DGLUCY: variants seen among roughly 807,000 people sequenced by gnomAD.
The protein encoded by DGLUCY is D-glutamate cyclase, mitochondrial.
DGLUCY carries 58 observed loss-of-function variants against 58.5 expected under a neutral mutation model. The observed-to-expected ratio is 0.99, with a 90% confidence interval of 0.80 to 1.23. The LOEUF is 1.23. Ranked by LOEUF, DGLUCY falls within the 50% of genes most tolerant of loss-of-function variation. The pLI is 0.00. For missense variants in DGLUCY, 779 were observed against 784.7 expected (o/e 0.99, Z 0.09); for synonymous variants, 325 against 314.1 (o/e 1.03, Z -0.37).
At chr14:91,067,328 G>A (rs1477495453) in intron 1 of DGLUCY, among the ~76,000 whole-genome samples, 1 of 152,040 alleles carries the variant, frequency 6.6e-6, no homozygotes, top group East Asian at 1.9e-4. Flanking sequence ...CAAGGGGGGA[G>A]AGGGCCTCAC....
chr14:91,078,082 A>G (rs2044060122), intron 1 of DGLUCY, among the ~76,000 whole-genome samples: 2 of 151,994 alleles, frequency 1.3e-5, no homozygotes, highest in African/African-American at 2.4e-5. Flanking sequence ...AGGCTGGAGT[A>G]CAGGGACTCA....
chr14:91,181,887 C>T (rs1258939492), intron 8 of DGLUCY, among the ~76,000 whole-genome samples: 2 of 150,700 alleles, frequency 1.3e-5, no homozygotes, highest in South Asian at 2.1e-4. Flanking sequence ...CCTCATGATC[C>T]GCCCACCTTG....
At chr14:91,208,587 A>G (rs901896481) in intron 12 of DGLUCY, among the ~76,000 whole-genome samples, 1 of 152,132 alleles carries the variant, frequency 6.6e-6, no homozygotes, top group Admixed American at 6.5e-5. Context: ...CATCTCTACA[A>G]AAAATAGAAG....
chr14:91,126,805 A>G (rs538752405), intron 1 of DGLUCY, among the ~76,000 whole-genome samples: 23 of 152,286 alleles, frequency 1.5e-4, no homozygotes, highest in African/African-American at 5.5e-4. Flanking sequence ...TTTTCCAAAT[A>G]AAGTCATATT....
At chr14:91,128,700 G>A (rs1193904527) in intron 1 of DGLUCY, 1 of 151,680 alleles carries the variant, frequency 6.6e-6, no homozygotes, top group Non-Finnish European at 1.5e-5. Flanking sequence ...TGGGATTTCA[G>A]GCTGATTTTC....
upstream of DGLUCY, among the ~76,000 whole-genome samples, chr14:91,113,196 A>G (rs998249643): frequency 6.6e-6 from 1 of 152,072 alleles, no homozygotes; most frequent in Non-Finnish European, 1.5e-5. Flanking sequence ...GCTACTGGGG[A>G]GGCTGAGGCA....
At chr14:91,092,017 A>G (rs1022026920) in intron 1 of DGLUCY, among the ~76,000 whole-genome samples, 1 of 152,120 alleles carries the variant, frequency 6.6e-6, no homozygotes, top group Non-Finnish European at 1.5e-5. Context: ...CAGGCAGGCC[A>G]ATATCTATAC....
intron 8 of DGLUCY, among the ~76,000 whole-genome samples, chr14:91,184,648 G>A (rs187726642): frequency 0.031 from 3,631 of 115,456 alleles, 68 homozygotes; most frequent in African/African-American, 0.05. Context: ...AGGGAGGGAG[G>A]GAGGGAGGGA....
chr14:91,129,598 AG>A (rs2045918550), intron 1 of DGLUCY, among the ~76,000 whole-genome samples: 1 of 151,580 alleles, frequency 6.6e-6, no homozygotes, highest in African/African-American at 2.4e-5. Flanking sequence ...AAAAAAAAAA[AG>A]AATGTACTAT....
intron 8 of DGLUCY, among the ~76,000 whole-genome samples, chr14:91,185,160 G>A (rs922089918): frequency 4.0e-5 from 6 of 151,818 alleles, no homozygotes; most frequent in Middle Eastern, 3.4e-3. Flanking sequence ...GTAGAGCTGG[G>A]GTTTCACCAT....
intron 3 of DGLUCY, among the ~76,000 whole-genome samples, chr14:91,164,880 A>C (rs2048189446): frequency 6.6e-6 from 1 of 152,230 alleles, no homozygotes. Flanking sequence ...GGGGCTCTGC[A>C]ATTAGCTGGT....
upstream of DGLUCY, among the ~76,000 whole-genome samples, chr14:91,113,541 G>A (rs2044748957): frequency 6.6e-6 from 1 of 152,202 alleles, no homozygotes; most frequent in Non-Finnish European, 1.5e-5. Flanking sequence ...CAAGATAAGT[G>A]AGGAGGAAAC....
Position 91,094,873 on chromosome 14 carries a change from C to A in DGLUCY, c.-82+34169C>A, listed in dbSNP as rs536027584. 2.0e-5 allele frequency among the ~76,000 whole-genome samples: 3 copies of A among 152,076 alleles called. No individual in the cohort carries two copies. In the South Asian group the frequency reaches 6.2e-4, roughly 32 times the overall value. ...CTCGAGTGAGAACTCAAGCCATGATCTCATGAGACAGGGCTGTCATCAGCC... is the reference window on the plus strand; with the variant it reads ...CTCGAGTGAGAACTCAAGCCATGATATCATGAGACAGGGCTGTCATCAGCC... On this transcript the variant is annotated intron_variant, in intron 1 of 4. Coordinates refer to the DGLUCY transcript ENST00000521334.
chr14:91,155,708 A>G (rs549329033), intron 1 of DGLUCY, among the ~76,000 whole-genome samples: 2 of 150,346 alleles, frequency 1.3e-5, no homozygotes, highest in Non-Finnish European at 3.0e-5. Context: ...AGGTGGGAGG[A>G]TTGCTTGAGC....
At chr14:91,216,914 G>T (rs926905543) in intron 13 of DGLUCY, among the ~76,000 whole-genome samples, 1 of 152,236 alleles carries the variant, frequency 6.6e-6, no homozygotes, top group African/African-American at 2.4e-5. Context: ...AAAGAGAGGT[G>T]GCCAGCGCGC....
chr14:91,122,641 C>T (rs1407875605), intron 1 of DGLUCY, among the ~76,000 whole-genome samples: 3 of 124,114 alleles, frequency 2.4e-5, no homozygotes, highest in African/African-American at 9.8e-5. Context: ...CTCACTCTGT[C>T]GCCCAGACTG....
At chr14:91,090,695 A>G (rs2044297008) in intron 1 of DGLUCY, among the ~76,000 whole-genome samples, 1 of 152,220 alleles carries the variant, frequency 6.6e-6, no homozygotes, top group South Asian at 2.1e-4. Context: ...ATTTGGTCAC[A>G]GATAGGTTCT....
chr14:91,122,301 G>A (rs553554944), intron 1 of DGLUCY, among the ~76,000 whole-genome samples: 91 of 151,886 alleles, frequency 6.0e-4, no homozygotes, highest in African/African-American at 2.0e-3. Flanking sequence ...ACACAGGTAC[G>A]TGCCACCCTG....
chr14:91,209,986 A>G (rs1296953529), intron 12 of DGLUCY, among the ~76,000 whole-genome samples: 4 of 152,208 alleles, frequency 2.6e-5, no homozygotes, highest in Non-Finnish European at 5.9e-5. Flanking sequence ...CAGTATTCAA[A>G]TAAGACATAA....
Sources: allele counts gnomAD v4.1 joint callset (sites outside exome capture counted in the v4.1 genomes callset), GRCh38; gene constraint gnomAD v4.1.1; transcripts MANE v1.5; gene names NCBI Gene and HGNC (gene_info 2026-07-23, HGNC 2026-07-21).